Variants in PABPC4L observed in about 807,000 individuals in gnomAD.
PABPC4L encodes polyadenylate-binding protein 4-like.
For synonymous variants in PABPC4L, 169 were observed against 164.1 expected (o/e 1.03, Z -0.23); for missense variants, 452 against 451.4 (o/e 1.00, Z -0.01).
chr4:134,131,898 C>T, the PABPC4L span, among the ~76,000 whole-genome samples: 1,933 of 151,796 alleles, frequency 0.013, 43 homozygotes, highest in African/African-American at 0.041. Flanking sequence ...TTAAGGAAAC[C>T]AGAAATAAAC....
the PABPC4L span, among the ~76,000 whole-genome samples, chr4:134,142,713 G>A: frequency 3.3e-5 from 5 of 151,380 alleles, no homozygotes; most frequent in African/African-American, 1.2e-4. Flanking sequence ...AACTGCAGGA[G>A]GACTTAGAAG....
chr4:134,195,149 T>A (rs750521437), downstream of PABPC4L, among the ~76,000 whole-genome samples: 9 of 151,684 alleles, frequency 5.9e-5, no homozygotes, highest in Non-Finnish European at 1.0e-4. Flanking sequence ...TTCAGTAAAA[T>A]AATAATGTGT....
At chr4:134,065,873 G>T in the PABPC4L span, among the ~76,000 whole-genome samples, 5 of 152,126 alleles carry the variant, frequency 3.3e-5, no homozygotes, top group Admixed American at 3.3e-4. Flanking sequence ...ATTGAACAGG[G>T]AGTCCTTTTC....
chr4:134,165,199 T>C, the PABPC4L span, among the ~76,000 whole-genome samples: 1 of 152,070 alleles, frequency 6.6e-6, no homozygotes, highest in Non-Finnish European at 1.5e-5. Context: ...AAACCTAGGA[T>C]AAACTCTTTT....
chr4:134,157,177 T>A, the PABPC4L span, among the ~76,000 whole-genome samples: 2 of 151,768 alleles, frequency 1.3e-5, no homozygotes, highest in African/African-American at 4.8e-5. Context: ...TGTTTAACAC[T>A]GTCCATTTTA....
At chr4:134,189,822 G>C in the PABPC4L span, among the ~76,000 whole-genome samples, 5 of 152,160 alleles carry the variant, frequency 3.3e-5, no homozygotes, top group Admixed American at 3.3e-4. Flanking sequence ...GACTGGAATT[G>C]TGTATTTACT....
chr4:134,195,993 T>A (rs1343862064), downstream of PABPC4L, among the ~76,000 whole-genome samples: 4 of 151,470 alleles, frequency 2.6e-5, no homozygotes, highest in East Asian at 7.7e-4. Flanking sequence ...TTATATATAT[T>A]TTTAAAATTA....
chr4:133,980,989 C>T, the PABPC4L span, among the ~76,000 whole-genome samples: 9 of 152,168 alleles, frequency 5.9e-5, no homozygotes, highest in Non-Finnish European at 1.2e-4. Flanking sequence ...AGTGAAACCC[C>T]ATCTCTAATA....
the PABPC4L span, among the ~76,000 whole-genome samples, chr4:134,032,262 T>A: frequency 6.6e-6 from 1 of 151,884 alleles, no homozygotes; most frequent in Non-Finnish European, 1.5e-5. Context: ...ATTCTTCCCC[T>A]TTAAAAAACA....
chr4:134,179,540 G>A, the PABPC4L span, among the ~76,000 whole-genome samples: 3 of 152,018 alleles, frequency 2.0e-5, no homozygotes, highest in African/African-American at 7.2e-5. Context: ...CATATCAATG[G>A]TAACTTTGAA....
At chr4:134,018,418 A>G in the PABPC4L span, among the ~76,000 whole-genome samples, 261 of 152,274 alleles carry the variant, frequency 1.7e-3, 2 homozygotes, top group Admixed American at 3.4e-3. Flanking sequence ...TAGATAAATT[A>G]CATATCACAG....
At chr4:134,064,921 A>G in the PABPC4L span, among the ~76,000 whole-genome samples, 3 of 151,926 alleles carry the variant, frequency 2.0e-5, no homozygotes, top group African/African-American at 7.2e-5. Flanking sequence ...CTGGAAAACG[A>G]TATGATTTTG....
At chr4:134,014,843 C>G in the PABPC4L span, among the ~76,000 whole-genome samples, 1 of 151,990 alleles carries the variant, frequency 6.6e-6, no homozygotes, top group Non-Finnish European at 1.5e-5. Context: ...AGCTTATAAA[C>G]CTCTTAAAAC....
At chr4:134,077,365 T>TA in the PABPC4L span, among the ~76,000 whole-genome samples, 1 of 152,054 alleles carries the variant, frequency 6.6e-6, no homozygotes, top group Non-Finnish European at 1.5e-5. Flanking sequence ...TATGAAAGCC[T>TA]AAAAAAAGCA....
the PABPC4L span, among the ~76,000 whole-genome samples, chr4:134,142,367 C>T: frequency 5.1e-4 from 78 of 151,552 alleles, no homozygotes; most frequent in South Asian, 0.015. Context: ...ACGTTTTATC[C>T]GGGAAAAGCA....
chr4:134,119,743 A>G, the PABPC4L span, among the ~76,000 whole-genome samples: 1 of 151,646 alleles, frequency 6.6e-6, no homozygotes, highest in African/African-American at 2.4e-5. Context: ...TCCAAAATAT[A>G]TTCTCTCCTC....
chr4:133,976,804 G>A, the PABPC4L span, among the ~76,000 whole-genome samples: 2 of 151,886 alleles, frequency 1.3e-5, no homozygotes, highest in Admixed American at 1.3e-4. Flanking sequence ...TTTTTAATGG[G>A]GTTGTTTGTT....
At chr4:133,980,596 T>C in the PABPC4L span, among the ~76,000 whole-genome samples, 1 of 152,152 alleles carries the variant, frequency 6.6e-6, no homozygotes, top group Admixed American at 6.6e-5. Flanking sequence ...ATAGCTATAT[T>C]TACCAAACAT....
the PABPC4L span, among the ~76,000 whole-genome samples, chr4:134,119,255 C>T: frequency 6.6e-6 from 1 of 151,720 alleles, no homozygotes; most frequent in East Asian, 1.9e-4. Flanking sequence ...TGACTGGTCT[C>T]TCCCAGTATC....
Sources: gnomAD v4.1 joint callset for allele counts (sites outside exome capture counted in the v4.1 genomes callset) on GRCh38, gnomAD v4.1.1 for gene constraint, MANE v1.5 for transcripts, NCBI Gene and HGNC (gene_info 2026-07-23, HGNC 2026-07-21) for gene names.